GALNT10: variants seen among roughly 807,000 people sequenced by gnomAD.
The protein encoded by GALNT10 is GalNAc transferase 10.
A neutral mutation model predicts 75.0 loss-of-function variants in GALNT10; 41 were observed. That is an observed-to-expected ratio of 0.55 (90% confidence interval 0.43 to 0.71). The LOEUF is 0.71. Among genes scored for constraint, GALNT10 ranks in the 30% least tolerant of loss-of-function variants. GALNT10 has a pLI of 0.00. For missense variants in GALNT10, 727 were observed against 818.5 expected, an observed-to-expected ratio of 0.89 and a Z score of 1.36; for synonymous variants, 302 against 313.0, an observed-to-expected ratio of 0.96 and a Z score of 0.37.
intron 7 of GALNT10, among the ~76,000 whole-genome samples, chr5:154,399,473 C>G (rs1338177731): frequency 2.0e-5 from 3 of 152,314 alleles, no homozygotes; most frequent in East Asian, 1.9e-4. Flanking sequence ...CCCAGACAAA[C>G]CCAGCCAGGA....
chr5:154,193,082 A>G (rs951517048), intron 1 of GALNT10, among the ~76,000 whole-genome samples: 2 of 142,644 alleles, frequency 1.4e-5, no homozygotes, highest in Non-Finnish European at 3.0e-5. Flanking sequence ...ATCTGGGAAG[A>G]TCTAGTTTTT....
At chr5:154,213,106 C>G (rs1752798519) in intron 1 of GALNT10, among the ~76,000 whole-genome samples, 1 of 152,142 alleles carries the variant, frequency 6.6e-6, no homozygotes, top group Admixed American at 6.5e-5. Context: ...GCATATAAAA[C>G]TATTCAATGT....
chr5:154,373,875 T>C (rs762720370), intron 4 of GALNT10, among the ~76,000 whole-genome samples: 22 of 152,140 alleles, frequency 1.4e-4, no homozygotes, highest in Non-Finnish European at 2.4e-4. Context: ...TTCGGGGTGA[T>C]TTAGCGATGG....
chr5:154,206,158 A>G (rs1775106448), intron 1 of GALNT10, among the ~76,000 whole-genome samples: 1 of 152,182 alleles, frequency 6.6e-6, no homozygotes, highest in South Asian at 2.1e-4. Flanking sequence ...CATGGAAAAG[A>G]TCCTCTCTTT....
intron 1 of GALNT10, among the ~76,000 whole-genome samples, chr5:154,194,915 T>A (rs1227574060): frequency 6.6e-6 from 1 of 152,226 alleles, no homozygotes; most frequent in East Asian, 1.9e-4. Flanking sequence ...TCTGTGAGTA[T>A]GCTTGGAAAC....
intron 9 of GALNT10, among the ~76,000 whole-genome samples, chr5:154,411,455 A>T (rs1409948569): frequency 6.6e-6 from 1 of 152,190 alleles, no homozygotes; most frequent in Non-Finnish European, 1.5e-5. Flanking sequence ...GCCATCGGGG[A>T]AGACGAAAAG....
rs1267708924 is a variant in GALNT10 at position 154,213,151 on chromosome 5, G to A, written c.159+22126G>A. Among the ~76,000 whole-genome samples the A allele has an allele frequency of 2.0e-5, 3 of 152,104 alleles. No individual in the cohort carries two copies. The East Asian group carries it at 5.8e-4, about 29-fold the overall frequency. On this transcript the variant is annotated intron_variant, in intron 1 of 11. Transcript: ENST00000297107. ...AGTGCCTGGCATGTGATGAGCATTA[G>A]GTGCTATTGCTACTATTATCAGCTC...
At chr5:154,405,297 G>C (rs1425078537) in intron 8 of GALNT10, among the ~76,000 whole-genome samples, 2 of 152,212 alleles carry the variant, frequency 1.3e-5, no homozygotes, top group East Asian at 1.9e-4. Flanking sequence ...GAGGCCGCGC[G>C]TCTCCCTGAG....
chr5:154,332,448 G>A (rs1042890935), intron 4 of GALNT10, among the ~76,000 whole-genome samples: 1 of 152,212 alleles, frequency 6.6e-6, no homozygotes, highest in Non-Finnish European at 1.5e-5. Flanking sequence ...CTGCCTGAAC[G>A]CCCTCTTCCC....
At chr5:154,358,781 AG>A (rs1172358844) in intron 4 of GALNT10, among the ~76,000 whole-genome samples, 1 of 152,202 alleles carries the variant, frequency 6.6e-6, no homozygotes, top group African/African-American at 2.4e-5. Context: ...GGGCCAGGGC[AG>A]GAAAGTGACC....
intron 4 of GALNT10, among the ~76,000 whole-genome samples, chr5:154,351,928 C>T (rs1358587292): frequency 2.0e-5 from 3 of 152,214 alleles, no homozygotes; most frequent in African/African-American, 7.2e-5. Flanking sequence ...TGAACACTTA[C>T]TGTGTGCCAG....
Position 154,191,038 on chromosome 5 carries a change from G to A in GALNT10, c.159+13G>A, listed in dbSNP as rs975715301. 20 of 1,407,134 alleles carry A rather than the reference G, an allele frequency of 1.4e-5. No homozygotes were observed. The highest frequency in any genetic ancestry group is 1.9e-5 in the Non-Finnish European group (20 of 1,070,508). 87.2% of individuals were successfully genotyped at this position (1,407,134 alleles called of 1,614,324 possible). A position where few individuals can be genotyped will look rare whatever the true frequency, so the allele number is the denominator to read the frequency against. On this transcript the variant is annotated intron_variant, in intron 1 of 11. Transcript: ENST00000297107. ...GGCGGCGGGACAGGTGAGTCCCCCC[G>A]TTGCTACAGGCCGGGAACACCCCCT...
At chr5:154,380,280 G>C (rs556767212) in intron 5 of GALNT10, among the ~76,000 whole-genome samples, 168 bp from the exon 6 acceptor site, 1 of 152,114 alleles carries the variant, frequency 6.6e-6, no homozygotes, top group African/African-American at 2.4e-5. Context: ...ACTGAGATGA[G>C]AGCCTCGGTC....
At chr5:154,204,550 T>C (rs912782216) in intron 1 of GALNT10, among the ~76,000 whole-genome samples, 1 of 152,238 alleles carries the variant, frequency 6.6e-6, no homozygotes, top group Non-Finnish European at 1.5e-5. Flanking sequence ...TCTGGCTCAC[T>C]GTGTCTCCTC....
chr5:154,265,106 T>G (rs1030535631), intron 1 of GALNT10, among the ~76,000 whole-genome samples: 13 of 152,202 alleles, frequency 8.5e-5, no homozygotes, highest in African/African-American at 2.9e-4. Context: ...TTGATGAGTA[T>G]TCTAAACCTT....
At position 154,298,357 on chromosome 5, in the gene GALNT10, G is replaced by A. The variant is rs890311572; in HGVS notation, c.401+278G>A. 2.0e-5 allele frequency among the ~76,000 whole-genome samples: 3 copies of A among 151,978 alleles called. No individual in the cohort carries two copies. Among genetic ancestry groups the A allele is most frequent in the African/African-American group, 7.3e-5 (3 of 41,362 alleles). On this transcript the variant is annotated intron_variant, in intron 3 of 11. Coordinates refer to ENST00000297107, the MANE Select transcript of GALNT10 (RefSeq NM_198321.4). The surrounding 1 kb of genome is among the most constrained non-coding windows in gnomAD (Gnocchi z 4.1). The stretch of plus-strand genomic sequence containing the variant: ...GGGAAGTTCAGACCCCAGTGTAGAC[G>A]ACAAGTTGTCATGCAGTTTTTAACT...
chr5:154,373,951 G>A (rs1334680645), intron 4 of GALNT10, among the ~76,000 whole-genome samples: 1 of 152,204 alleles, frequency 6.6e-6, no homozygotes, highest in African/African-American at 2.4e-5. Context: ...CCTCTGATGG[G>A]AGTAGTGGTG....
intron 1 of GALNT10, among the ~76,000 whole-genome samples, chr5:154,282,892 T>C (rs1320349958): frequency 6.6e-6 from 1 of 152,188 alleles, no homozygotes; most frequent in Non-Finnish European, 1.5e-5. Context: ...TGGGGAGAGA[T>C]AGACAATATT....
chr5:154,330,997 T>C (rs1267362679), intron 4 of GALNT10, among the ~76,000 whole-genome samples: 1 of 151,842 alleles, frequency 6.6e-6, no homozygotes, highest in African/African-American at 2.4e-5. Flanking sequence ...CTTCCCTAAC[T>C]CTTGACATAC....
Sources: gnomAD v4.1 joint callset for allele counts (sites outside exome capture counted in the v4.1 genomes callset) on GRCh38, gnomAD v4.1.1 for gene constraint, Gnocchi (gnomAD v3.1) non-coding constraint, MANE v1.5 for transcripts, NCBI Gene and HGNC (gene_info 2026-07-23, HGNC 2026-07-21) for gene names.